The following CAMSAP1 variants were observed in gnomAD, a reference collection of about 807,000 sequenced individuals.
The protein encoded by CAMSAP1 is calmodulin-regulated spectrin-associated protein 1.
Under a neutral mutation model 143.5 loss-of-function variants are expected in CAMSAP1, and 58 were observed. The observed-to-expected ratio is 0.40, with a 90% confidence interval of 0.33 to 0.50. The LOEUF (loss-of-function observed/expected upper bound fraction) is 0.50, where lower values mean the gene tolerates loss of function less well. Ranked by LOEUF, CAMSAP1 falls within the 20% of genes least tolerant of loss-of-function variation. The pLI, the probability that CAMSAP1 is intolerant of heterozygous loss-of-function variation, is 0.45. For synonymous variants in CAMSAP1, 945 were observed against 859.3 expected, an observed-to-expected ratio of 1.10 and a Z score of -1.74; for missense variants, 1,969 against 2,115.7, an observed-to-expected ratio of 0.93 and a Z score of 1.36.
Position 135,822,294 on chromosome 9 carries a change from G to A in CAMSAP1, c.2367C>T (p.Ser789=), listed in dbSNP as rs111939692. ...TGCTCAGGCAGGGGCTCGAGCGGCC[G>A]CTGGCGTCATCTTTGTCTTCATGTT... ...VKEHEDKDDA[S]GRSSPCLSTA... Residue 789 remains serine (S), a synonymous_variant, in exon 11 of 17, where the codon AGC becomes AGT. Transcript: ENST00000389532. This position sits in a 1 kb window ranked among gnomAD's most constrained non-coding sequence, Gnocchi z 6.1. 2.6e-3 allele frequency: 4,167 copies of A among 1,613,968 alleles called. 105 individuals carry two copies. The African/African-American group carries it at 0.049, about 19-fold the overall frequency.
chr9:135,846,682 CAAAAAAAAA>C (rs752714756), intron 7 of CAMSAP1, among the ~76,000 whole-genome samples: 1 of 53,698 alleles, frequency 1.9e-5, no homozygotes, highest in Non-Finnish European at 4.3e-5. Context: ...ACAAATTTAC[CAAAAAAAAA>C]AAAAAAAAAA....
intron 7 of CAMSAP1, among the ~76,000 whole-genome samples, chr9:135,831,923 G>A (rs1835874098): frequency 6.6e-6 from 1 of 152,148 alleles, no homozygotes; most frequent in South Asian, 2.1e-4. Context: ...TAAACAGACA[G>A]TAATAAATAA....
Position 135,867,646 on chromosome 9 carries a change from G to A in CAMSAP1, c.586-1110C>T, listed in dbSNP as rs541364952. On this transcript the variant is annotated intron_variant, in intron 3 of 16. Coordinates refer to ENST00000389532, the MANE Select transcript of CAMSAP1 (RefSeq NM_015447.4). ...TGTAAATTAATTTGAAATTTTTAAT[G>A]AAACTAACATTTTAAAGGAAAATAT... Among the ~76,000 whole-genome samples the A allele has an allele frequency of 2.2e-4, 34 of 152,226 alleles. 1 individual carries two copies. Among genetic ancestry groups the A allele is most frequent in the Admixed American group, 1.6e-3 (25 of 15,304 alleles).
rs1835056202 is a variant in CAMSAP1 at position 135,811,644 on chromosome 9, C to T, written c.4507-33G>A. 6.5e-7 allele frequency: 1 copy of T among 1,549,950 alleles called. No homozygotes were observed. The highest frequency in any genetic ancestry group is 1.2e-5 in the South Asian group (1 of 83,724). On this transcript the variant is annotated intron_variant, in intron 16 of 16. Coordinates refer to ENST00000389532, the MANE Select transcript of CAMSAP1 (RefSeq NM_015447.4). This position sits in a 1 kb window ranked among gnomAD's most constrained non-coding sequence, Gnocchi z 4.9. ...GAGAGAGAAAAGGGGAAGAGACAAA[C>T]ACTTCAGGGCCACTCCAATTGCCAC...
intron 7 of CAMSAP1, among the ~76,000 whole-genome samples, chr9:135,839,550 T>C (rs1460343175): frequency 1.3e-5 from 2 of 152,094 alleles, no homozygotes; most frequent in African/African-American, 2.4e-5. Flanking sequence ...CCCGGGACTG[T>C]AGAGCCACAG....
Position 135,824,744 on chromosome 9 carries a change from T to C in CAMSAP1, c.1315+45A>G, listed in dbSNP as rs1204428247. The C allele has an allele frequency of 4.0e-6, 5 of 1,237,676 alleles. No homozygotes were observed. In the South Asian group the frequency reaches 4.2e-5, roughly 10 times the overall value. The allele number at this position is 1,237,676 out of a possible 1,614,324, so 76.7% of individuals were successfully genotyped here. A position where few individuals can be genotyped will look rare whatever the true frequency, so the allele number is the denominator to read the frequency against. ...TGAGAAATATGATTTTACTAATCTA[T>C]AGTAAGGAGAAATTAAGGAAAAAAG... On this transcript the variant is annotated intron_variant, in intron 9 of 16. Coordinates refer to ENST00000389532, the MANE Select transcript of CAMSAP1 (RefSeq NM_015447.4). This position sits in a 1 kb window ranked among gnomAD's most constrained non-coding sequence, Gnocchi z 4.1.
intron 1 of CAMSAP1, among the ~76,000 whole-genome samples, chr9:135,896,413 A>G (rs893242458): frequency 6.6e-6 from 1 of 152,234 alleles, no homozygotes; most frequent in Non-Finnish European, 1.5e-5. Flanking sequence ...AGCTAAAAAG[A>G]GGAACAGACA....
At chr9:135,860,924 T>A (rs1242632775) in intron 5 of CAMSAP1, among the ~76,000 whole-genome samples, 3 of 152,208 alleles carry the variant, frequency 2.0e-5, no homozygotes, top group Admixed American at 6.5e-5. Context: ...CCAGGGACCA[T>A]GAGTTTCACT....
intron 3 of CAMSAP1, among the ~76,000 whole-genome samples, chr9:135,876,417 A>C (rs1314124846): frequency 1.3e-5 from 2 of 152,208 alleles, no homozygotes; most frequent in Non-Finnish European, 2.9e-5. Flanking sequence ...ATTCGGCAAA[A>C]TATTTGAAGC....
chr9:135,857,599 A>T (rs1266640111), intron 5 of CAMSAP1, among the ~76,000 whole-genome samples: 1 of 152,186 alleles, frequency 6.6e-6, no homozygotes, highest in East Asian at 1.9e-4. Context: ...GCTCACCTGC[A>T]CCATCTCTGT....
In CAMSAP1 at chr9:135,882,152, C is replaced by T. The variant is rs952086230; in HGVS notation, c.424-358G>A. Among the ~76,000 whole-genome samples the T allele has an allele frequency of 1.3e-5, 2 of 152,184 alleles. No individual in the cohort carries two copies. Among genetic ancestry groups the T allele is most frequent in the Non-Finnish European group, 2.9e-5 (2 of 68,024 alleles). ...CAGGTCGTGGTTGTGGGAAGGCAGA[C>T]AGGAGACCTGCCCCAGGCCAACTGC... On this transcript the variant is annotated intron_variant, in intron 2 of 16. Transcript: ENST00000389532. This position sits in a 1 kb window ranked among gnomAD's most constrained non-coding sequence, Gnocchi z 4.9.
At chr9:135,846,699 A>C (rs951575962) in intron 7 of CAMSAP1, among the ~76,000 whole-genome samples, 7 of 151,842 alleles carry the variant, frequency 4.6e-5, no homozygotes, top group African/African-American at 1.7e-4. Flanking sequence ...AAAAAAAAAA[A>C]AAAATCAAAA....
At position 135,824,086 on chromosome 9, in the gene CAMSAP1, G is replaced by A; in HGVS notation, c.1316-52C>T. ...TTAAGTAACCAATTTTCTATCACTT[G>A]AAATTCTTTCAATATGACCATTTGT... On this transcript the variant is annotated intron_variant, in intron 9 of 16. Coordinates refer to ENST00000389532, the MANE Select transcript of CAMSAP1 (RefSeq NM_015447.4). This position sits in a 1 kb window ranked among gnomAD's most constrained non-coding sequence, Gnocchi z 4.1. The A allele has an allele frequency of 6.1e-6, 9 of 1,470,638 alleles. No homozygotes were observed. Among genetic ancestry groups the A allele is most frequent in the Non-Finnish European group, 8.4e-6 (9 of 1,072,966 alleles). 91.1% of individuals were successfully genotyped at this position (1,470,638 alleles called of 1,614,324 possible).
chr9:135,880,960 AT>A (rs1194118375), intron 3 of CAMSAP1, among the ~76,000 whole-genome samples: 4 of 152,026 alleles, frequency 2.6e-5, no homozygotes, highest in African/African-American at 4.8e-5. Context: ...GGAAAATGCC[AT>A]TTTTTTTCCT....
At chr9:135,856,008 T>C (rs139801247) in intron 5 of CAMSAP1, among the ~76,000 whole-genome samples, 7,882 of 151,748 alleles carry the variant, frequency 0.052, 276 homozygotes, top group East Asian at 0.15. Flanking sequence ...GCCGAGATCG[T>C]ACCACTGCAC....
chr9:135,889,875 T>A (rs1382848197), intron 1 of CAMSAP1, among the ~76,000 whole-genome samples: 1 of 151,998 alleles, frequency 6.6e-6, no homozygotes, highest in Non-Finnish European at 1.5e-5. Flanking sequence ...TGGCACCAGG[T>A]CCTCTCCCCG....
At chr9:135,813,784 G>A (rs374036282) in intron 16 of CAMSAP1, among the ~76,000 whole-genome samples, 19 of 152,344 alleles carry the variant, frequency 1.2e-4, no homozygotes, top group South Asian at 1.2e-3. Context: ...CCTCCCAGGC[G>A]TCAGGCACAC....
intron 1 of CAMSAP1, among the ~76,000 whole-genome samples, chr9:135,886,981 G>A (rs970739756): frequency 7.9e-5 from 12 of 152,346 alleles, no homozygotes; most frequent in African/African-American, 2.4e-4. Context: ...CAGGAGAGAT[G>A]AGCCTGTGGG....
chr9:135,835,278 T>C (rs544624501), intron 7 of CAMSAP1, among the ~76,000 whole-genome samples: 8 of 152,018 alleles, frequency 5.3e-5, no homozygotes, highest in African/African-American at 1.9e-4. Flanking sequence ...AGTGTGCCGG[T>C]CAGACGGGTA....
Sources: allele counts gnomAD v4.1 joint callset (sites outside exome capture counted in the v4.1 genomes callset), GRCh38; gene constraint gnomAD v4.1.1; non-coding constraint Gnocchi (gnomAD v3.1); transcripts MANE v1.5; gene names NCBI Gene and HGNC (gene_info 2026-07-23, HGNC 2026-07-21).